Variants in COL15A1 observed in about 807,000 individuals in gnomAD.
COL15A1 encodes collagen alpha-1(XV) chain.
COL15A1 carries 111 observed loss-of-function variants against 165.9 expected under a neutral mutation model. That is an observed-to-expected ratio of 0.67 (90% CI 0.57 to 0.78). COL15A1 has a LOEUF of 0.78. COL15A1 is among the 30% of genes least tolerant of loss of function. The pLI, the probability that COL15A1 is intolerant of heterozygous loss-of-function variation, is 0.00. For synonymous variants in COL15A1, 659 were observed against 674.8 expected (o/e 0.98, Z 0.36); for missense variants, 1,745 against 1,789.7 (o/e 0.98, Z 0.45).
At chr9:99,037,242 G>T (rs1839318686) in intron 21 of COL15A1, among the ~76,000 whole-genome samples, 1 of 152,202 alleles carries the variant, frequency 6.6e-6, no homozygotes, top group African/African-American at 2.4e-5. Flanking sequence ...TCCTCCACCT[G>T]CCCTCTGGGG....
intron 19 of COL15A1, 110 bp from the exon 20 acceptor site, chr9:99,036,060 T>G: frequency 1.1e-6 from 1 of 907,556 alleles, no homozygotes; most frequent in South Asian, 1.5e-5. Flanking sequence ...TGGTTCCCAT[T>G]GCCTGGGACA....
intron 4 of COL15A1, 36 bp from the exon 5 acceptor site, chr9:98,989,142 T>C (rs1838371642): frequency 6.4e-7 from 1 of 1,569,976 alleles, no homozygotes; most frequent in Non-Finnish European, 8.8e-7. Flanking sequence ...CCCTGCCCGC[T>C]CTGCCCGGTG....
chr9:98,953,674 G>A (rs920886587), intron 2 of COL15A1, among the ~76,000 whole-genome samples: 8 of 152,190 alleles, frequency 5.3e-5, no homozygotes, highest in Non-Finnish European at 1.0e-4. Flanking sequence ...AGTGACCAGG[G>A]CCCCTGACCT....
chr9:98,953,769 A>G (rs1837729708), intron 2 of COL15A1, among the ~76,000 whole-genome samples: 1 of 152,112 alleles, frequency 6.6e-6, no homozygotes, highest in Non-Finnish European at 1.5e-5. Flanking sequence ...AGGCCTCTCT[A>G]GGAGTTACTC....
intron 11 of COL15A1, among the ~76,000 whole-genome samples, chr9:99,017,149 G>A (rs555218153): frequency 5.9e-5 from 9 of 152,298 alleles, no homozygotes; most frequent in Admixed American, 3.3e-4. Context: ...ACAATCAAGC[G>A]GCAGGAAGTA....
rs137949756 is a variant in COL15A1 at position 99,000,910 on chromosome 9, G to A, written c.1024G>A (p.Gly342Ser). ...SVDGDPITDS[G>S]SGAGAFLDIA... ...GGATGGTGACCCCATTACTGACAGC[G>A]GCTCAGGGGCTGGGGCCTTCCTTGA... The change falls in exon 7 of 42, where the codon GGC (glycine) becomes AGC (serine). Residue 342 changes from glycine to serine, a missense_variant. Coordinates refer to ENST00000375001, the MANE Select transcript of COL15A1 (RefSeq NM_001855.5). The A allele has an allele frequency of 1.2e-4, 198 of 1,600,344 alleles. No homozygotes were observed. The highest frequency in any genetic ancestry group is 5.4e-4 in the African/African-American group (40 of 74,616).
chr9:98,985,853 G>A lies in COL15A1; in HGVS notation c.389G>A (p.Gly130Asp). Residue 130 changes from glycine to aspartate, a missense_variant, in exon 3 of 42, where the codon GGC becomes GAC. Transcript: ENST00000375001. ...LGLRLSGVED[G>D]HQRIILYYTE... ...CTGCGGCTCTCAGGTGTGGAGGACGGCCACCAGCGGATCATCCTCTACTAC... is the reference window on the plus strand; with the variant it reads ...CTGCGGCTCTCAGGTGTGGAGGACGACCACCAGCGGATCATCCTCTACTAC... The A allele has an allele frequency of 6.2e-7, 1 of 1,613,752 alleles. No homozygotes were observed. The highest frequency in any genetic ancestry group is 8.5e-7 in the Non-Finnish European group (1 of 1,180,038).
chr9:99,001,929 C>T (rs1338716520), intron 7 of COL15A1, among the ~76,000 whole-genome samples: 1 of 152,108 alleles, frequency 6.6e-6, no homozygotes, highest in Non-Finnish European at 1.5e-5. Flanking sequence ...AACTTCTGCC[C>T]GGGCTTCCAC....
chr9:99,003,786 T>A (rs1237682316), intron 8 of COL15A1, among the ~76,000 whole-genome samples, 199 bp downstream of exon 8: 1 of 152,234 alleles, frequency 6.6e-6, no homozygotes, highest in Non-Finnish European at 1.5e-5. Context: ...TGCTGGGCAC[T>A]AGGCCTGGTT....
intron 30 of COL15A1, among the ~76,000 whole-genome samples, chr9:99,052,133 A>G (rs1250442623): frequency 1.3e-5 from 2 of 152,142 alleles, no homozygotes; most frequent in African/African-American, 4.8e-5. Context: ...CTTATGGCTG[A>G]GTTTTTTGGC....
intron 2 of COL15A1, among the ~76,000 whole-genome samples, chr9:98,961,805 T>C (rs1226498383): frequency 2.0e-5 from 3 of 152,198 alleles, no homozygotes; most frequent in Non-Finnish European, 4.4e-5. Flanking sequence ...AGACAGTGAA[T>C]TGCTTCAGGG....
chr9:99,062,098 A>T lies in COL15A1; in HGVS notation c.3530A>T (p.Gln1177Leu). The T allele has an allele frequency of 6.2e-7, 1 of 1,613,980 alleles. No individual in the cohort carries two copies. The highest frequency in any genetic ancestry group is 8.5e-7 in the Non-Finnish European group (1 of 1,179,938). The stretch of plus-strand genomic sequence containing the variant: ...GTTAGAGATGGCTGGAAAAAATTAC[A>T]GGTAATTTCTAAACTTCCTTTAACA... ...IRVRDGWKKL[Q>L]LGELIPIPAD... Residue 1177 changes from glutamine (Q) to leucine (L), a missense_variant and splice_region_variant, in exon 37 of 42, where the codon CAG becomes CTG. Transcript: ENST00000375001.
chr9:99,046,783 G>T (rs1048156966), intron 26 of COL15A1, among the ~76,000 whole-genome samples: 2 of 152,210 alleles, frequency 1.3e-5, no homozygotes, highest in Admixed American at 6.5e-5. Flanking sequence ...AGATTTGGGT[G>T]GGCACACAAA....
rs570623423 is a variant in COL15A1 at position 99,069,378 on chromosome 9, GAGA to G, written c.3954-292_3954-290del. Among the ~76,000 whole-genome samples, 114 of 152,342 alleles carry G rather than the reference GAGA, an allele frequency of 7.5e-4. 1 individual carries two copies. Among genetic ancestry groups the G allele is most frequent in the Non-Finnish European group, 1.4e-3 (96 of 68,026 alleles). ...AGTTGTTTATTGGCCTTTGAAAGAT[GAGA>G]AGGAGTCACTGGTCTGAAAATGAAA... is the stretch of plus-strand genomic sequence containing the variant. On this transcript the variant is annotated intron_variant, in intron 41 of 41. Coordinates refer to ENST00000375001, the MANE Select transcript of COL15A1 (RefSeq NM_001855.5).
At position 98,963,116 on chromosome 9, in the gene COL15A1, C is replaced by G. The variant is rs144358568; in HGVS notation, c.100+18866C>G. On this transcript the variant is annotated intron_variant, in intron 2 of 41. Coordinates refer to ENST00000375001, the MANE Select transcript of COL15A1 (RefSeq NM_001855.5). Reference sequence around the variant, plus strand: ...ATGTGGGAGGCTGGTCAGCCTTGCTCAGGTTCAAGATTTCCAAGAATCACT... The same window carrying G: ...ATGTGGGAGGCTGGTCAGCCTTGCTGAGGTTCAAGATTTCCAAGAATCACT... 8.2e-4 allele frequency among the ~76,000 whole-genome samples: 125 copies of G among 152,308 alleles called. 1 individual carries two copies. Among genetic ancestry groups the G allele is most frequent in the Non-Finnish European group, 1.5e-4 (10 of 68,028 alleles).
chr9:98,964,174 C>A (rs1837910765), intron 2 of COL15A1, among the ~76,000 whole-genome samples: 1 of 152,256 alleles, frequency 6.6e-6, no homozygotes, highest in African/African-American at 2.4e-5. Flanking sequence ...GAGGCTGGTC[C>A]TCCTGGGGTT....
rs1391657757 is a variant in COL15A1, at chr9:98,973,975, A to G, written c.101-11590A>G. On this transcript the variant is annotated intron_variant, in intron 2 of 41. Coordinates refer to ENST00000375001, the MANE Select transcript of COL15A1 (RefSeq NM_001855.5). ...GCTCAGAGAAGGGAAGGGACTGCTC[A>G]AAGTCATATGCCAAGTTGGTGGCAG... Among the ~76,000 whole-genome samples the G allele has an allele frequency of 4.7e-4, 72 of 152,238 alleles. 1 individual carries two copies. The highest frequency in any genetic ancestry group is 1.8e-4 in the Non-Finnish European group (12 of 68,028).
chr9:99,015,890 C>T lies in COL15A1; in HGVS notation c.1504-86C>T, dbSNP rs1838925794. ...GGTAAGAACGTGCTTTGAAACTGGG[C>T]TGGCACCACAGAAACGACTGTTACA... On this transcript the variant is annotated intron_variant, in intron 10 of 41. Coordinates refer to ENST00000375001, the MANE Select transcript of COL15A1 (RefSeq NM_001855.5). The T allele has an allele frequency of 2.5e-5, 37 of 1,508,150 alleles. 1 individual carries two copies. The South Asian group carries it at 4.3e-4, about 17-fold the overall frequency. The allele number at this position is 1,508,150 out of a possible 1,614,324, so 93.4% of individuals were successfully genotyped here.
In COL15A1 at chr9:98,943,914, C is replaced by T. The variant is rs1327813032; in HGVS notation, c.-148C>T. The T allele has an allele frequency of 8.7e-6, 9 of 1,034,296 alleles. No homozygotes were observed. The highest frequency in any genetic ancestry group is 1.0e-5 in the Non-Finnish European group (8 of 768,376). 64.1% of individuals were successfully genotyped at this position (1,034,296 alleles called of 1,614,324 possible). ...CGCGGGCCGGGAGCCGGGATTCTGCCCGCCGCCGCCGCTGCCGAGCGCCGC... is the reference window on the plus strand; with the variant it reads ...CGCGGGCCGGGAGCCGGGATTCTGCTCGCCGCCGCCGCTGCCGAGCGCCGC... On this transcript the variant is annotated 5_prime_UTR_variant, in exon 1 of 42. Coordinates refer to ENST00000375001, the MANE Select transcript of COL15A1 (RefSeq NM_001855.5).
Sources: gnomAD v4.1 joint callset for allele counts (sites outside exome capture counted in the v4.1 genomes callset) on GRCh38, gnomAD v4.1.1 for gene constraint, MANE v1.5 for transcripts, NCBI Gene and HGNC (gene_info 2026-07-23, HGNC 2026-07-21) for gene names.